GRIK2: variants seen among roughly 807,000 people sequenced by gnomAD.
GRIK2 encodes the protein glutamate ionotropic receptor kainate type subunit 2, also known as glutamate receptor ionotropic, kainate 2.
GRIK2 carries 32 observed loss-of-function variants against 100.3 expected under a neutral mutation model. The observed-to-expected ratio is 0.32, with a 90% CI of 0.24 to 0.43. The LOEUF is 0.43. Ranked by LOEUF, GRIK2 falls within the 20% of genes least tolerant of loss-of-function variation. GRIK2 has a pLI of 1.00. For missense variants in GRIK2, 843 were observed against 1,114.9 expected (o/e 0.76, Z 3.47); for synonymous variants, 417 against 389.4 (o/e 1.07, Z -0.83).
chr6:101,405,132 A>G lies in GRIK2; in HGVS notation c.115+5740A>G, dbSNP rs569487517. On this transcript the variant is annotated intron_variant, in intron 2 of 16. Coordinates refer to ENST00000369134, the MANE Select transcript of GRIK2 (RefSeq NM_021956.5). ...GGTGCTGACTAAATAGAACGCCCTTAACAAGTTTAATTGAAAGGGCAAGGC... is the reference window on the plus strand; with the variant it reads ...GGTGCTGACTAAATAGAACGCCCTTGACAAGTTTAATTGAAAGGGCAAGGC... Among the ~76,000 whole-genome samples the G allele has an allele frequency of 2.6e-5, 4 of 152,328 alleles. No individual in the cohort carries two copies. In the South Asian group the frequency reaches 8.3e-4, roughly 32 times the overall value.
intron 14 of GRIK2, among the ~76,000 whole-genome samples, chr6:101,958,442 T>C (rs954717505): frequency 2.0e-5 from 3 of 152,082 alleles, no homozygotes; most frequent in African/African-American, 7.2e-5. Context: ...CTTTAGGATT[T>C]TCCAGTTGTA....
At chr6:101,645,425 A>T (rs1361899318) in intron 4 of GRIK2, among the ~76,000 whole-genome samples, 2 of 151,848 alleles carry the variant, frequency 1.3e-5, no homozygotes, top group African/African-American at 4.8e-5. Context: ...TACAATACAT[A>T]ACAAGGTTGT....
intron 7 of GRIK2, among the ~76,000 whole-genome samples, chr6:101,749,606 C>T (rs1191268701): frequency 6.6e-6 from 1 of 152,044 alleles, no homozygotes; most frequent in Non-Finnish European, 1.5e-5. Context: ...AAAAAATGGA[C>T]ATTTTTCATA....
At position 102,056,614 on chromosome 6, in the gene GRIK2, G is replaced by A. The variant is rs548373554; in HGVS notation, c.2562+1034G>A. Among the ~76,000 whole-genome samples, 141 of 151,948 alleles carry A rather than the reference G, an allele frequency of 9.3e-4. 1 individual carries two copies. The highest frequency in any genetic ancestry group is 3.4e-3 in the Middle Eastern group (1 of 292). ...ACTTTAGTTGGTAAATACAAAGAGC[G>A]AAAAAGAGGTATTTTGAAAATAATG... On this transcript the variant is annotated intron_variant, in intron 16 of 16. Coordinates refer to ENST00000369134, the MANE Select transcript of GRIK2 (RefSeq NM_021956.5).
At chr6:101,685,629 G>A (rs1582957424) in intron 6 of GRIK2, among the ~76,000 whole-genome samples, 1 of 152,248 alleles carries the variant, frequency 6.6e-6, no homozygotes, top group South Asian at 2.1e-4. Flanking sequence ...CTAGGTGTGA[G>A]ACATGAGATG....
At chr6:101,537,911 G>A (rs1392916040) in intron 2 of GRIK2, among the ~76,000 whole-genome samples, 3 of 151,686 alleles carry the variant, frequency 2.0e-5, no homozygotes, top group Non-Finnish European at 4.4e-5. Context: ...AAAACCATCT[G>A]CATAGTATTG....
At chr6:101,707,649 A>G (rs1773432432) in intron 7 of GRIK2, among the ~76,000 whole-genome samples, 1 of 147,014 alleles carries the variant, frequency 6.8e-6, no homozygotes, top group Non-Finnish European at 1.5e-5. Context: ...ATAGTCCCCC[A>G]GAAAGTAAAA....
chr6:101,802,722 C>G (rs1780751869), intron 9 of GRIK2, among the ~76,000 whole-genome samples: 1 of 151,712 alleles, frequency 6.6e-6, no homozygotes, highest in Non-Finnish European at 1.5e-5. Flanking sequence ...TTTAATATAG[C>G]AATTAGAAAA....
chr6:101,646,149 G>T (rs1353416127), intron 4 of GRIK2, among the ~76,000 whole-genome samples: 3 of 151,846 alleles, frequency 2.0e-5, no homozygotes, highest in Non-Finnish European at 4.4e-5. Context: ...CTTTAGAACT[G>T]TGTCCTCACC....
chr6:101,815,881 G>C (rs1382480705), intron 9 of GRIK2, among the ~76,000 whole-genome samples: 1 of 152,080 alleles, frequency 6.6e-6, no homozygotes, highest in African/African-American at 2.4e-5. Flanking sequence ...CGCTAAGAAA[G>C]CTGAGATTTA....
chr6:101,497,173 G>GT (rs958482828), intron 2 of GRIK2, among the ~76,000 whole-genome samples: 37 of 151,294 alleles, frequency 2.4e-4, no homozygotes, highest in East Asian at 7.8e-4. Flanking sequence ...ACCCCATCTA[G>GT]TTTTTTTTTC....
intron 15 of GRIK2, among the ~76,000 whole-genome samples, chr6:102,044,868 C>A (rs1242999654): frequency 6.6e-6 from 1 of 151,882 alleles, no homozygotes; most frequent in East Asian, 1.9e-4. Flanking sequence ...TTATGCTGAC[C>A]TTTTCATCTC....
chr6:101,414,962 G>C (rs897724504), intron 2 of GRIK2, among the ~76,000 whole-genome samples: 2 of 144,532 alleles, frequency 1.4e-5, no homozygotes, highest in Admixed American at 1.3e-4. Context: ...GTGTGTGTGT[G>C]TATGTGTGTG....
At position 102,068,461 on chromosome 6, in the gene GRIK2, A is replaced by T. The variant is rs571968772; in HGVS notation, c.2677A>T (p.Met893Leu). Residue 893 changes from methionine (M) to leucine (L), a missense_variant, in exon 17 of 17, where the codon ATG (methionine) becomes TTG (leucine). Met to Leu is a conservative substitution (Grantham distance 15, BLOSUM62 2). This residue lies in a region of GRIK2 where 87 missense variants were observed against 83.2 expected (regional missense o/e 1.05). Coordinates refer to ENST00000369134, the MANE Select transcript of GRIK2 (RefSeq NM_021956.5). ...VIVKTEEVINMHTFNDRRLPG... is the reference protein window; with the variant it reads ...VIVKTEEVINLHTFNDRRLPG... ...TGTGAAAACAGAAGAAGTTATCAAC[A>T]TGCACACATTTAACGACAGAAGGTT... is the stretch of plus-strand genomic sequence containing the variant. The T allele has an allele frequency of 2.1e-5, 34 of 1,612,232 alleles. No homozygotes were observed. The highest frequency in any genetic ancestry group is 2.6e-5 in the Non-Finnish European group (31 of 1,178,740).
intron 15 of GRIK2, among the ~76,000 whole-genome samples, chr6:102,042,575 A>AGAT (rs746108941): frequency 6.6e-6 from 1 of 151,644 alleles, no homozygotes; most frequent in South Asian, 2.1e-4. Context: ...GTCTTGAAAA[A>AGAT]GATATATTTT....
intron 2 of GRIK2, among the ~76,000 whole-genome samples, chr6:101,546,350 C>G (rs1306063178): frequency 6.6e-6 from 1 of 152,148 alleles, no homozygotes; most frequent in Non-Finnish European, 1.5e-5. Context: ...AATGATTAAC[C>G]TGATACCTTT....
chr6:101,926,195 GTTT>G (rs35007201), intron 13 of GRIK2, among the ~76,000 whole-genome samples: 2 of 127,560 alleles, frequency 1.6e-5, no homozygotes, highest in Admixed American at 7.9e-5. Flanking sequence ...GGGTCCAAGG[GTTT>G]TTTTTTTTTT....
chr6:101,691,152 G>T (rs1419856421), intron 7 of GRIK2, among the ~76,000 whole-genome samples: 1 of 151,792 alleles, frequency 6.6e-6, no homozygotes. Flanking sequence ...TATTACATCT[G>T]TGTTCTAATC....
At chr6:101,870,672 G>A (rs1372344396) in intron 11 of GRIK2, among the ~76,000 whole-genome samples, 3 of 151,584 alleles carry the variant, frequency 2.0e-5, no homozygotes, top group Admixed American at 1.3e-4. Flanking sequence ...TTGTACGTGT[G>A]ATTACTTGAA....
Sources: gnomAD v4.1 joint callset for allele counts (sites outside exome capture counted in the v4.1 genomes callset) on GRCh38, gnomAD v4.1.1 for gene constraint, gnomAD v4.1.1 regional missense constraint, MANE v1.5 for transcripts, NCBI Gene and HGNC (gene_info 2026-07-23, HGNC 2026-07-21) for gene names.